TRAPPC2: variants seen among roughly 807,000 people sequenced by gnomAD.
TRAPPC2 encodes sedlin.
TRAPPC2 carries 4 observed loss-of-function variants against 10.0 expected under a neutral mutation model. The ratio of observed to expected loss-of-function variants is 0.40; its 90% CI spans 0.20 to 0.92. The LOEUF is 0.92. Ranked by LOEUF, TRAPPC2 falls within the 40% of genes least tolerant of loss-of-function variation. The pLI, the probability that TRAPPC2 is intolerant of heterozygous loss-of-function variation, is 0.35. For synonymous variants in TRAPPC2, 36 were observed against 37.3 expected (o/e 0.97, Z 0.12); for missense variants, 52 against 108.7 (o/e 0.48, Z 2.32).
intron 3 of TRAPPC2, among the ~76,000 whole-genome samples, chrX:13,716,973 T>C: frequency 9.7e-6 from 1 of 103,411 alleles, no homozygotes; most frequent in Non-Finnish European, 2.0e-5. Context: ...TTTTTCATGT[T>C]TCAAGAAGGA....
chrX:13,726,678 C>T (rs1329743549), intron 2 of TRAPPC2, among the ~76,000 whole-genome samples: 1 of 111,919 alleles, frequency 8.9e-6, no homozygotes, highest in African/African-American at 3.3e-5. Flanking sequence ...ACCATTGATG[C>T]TATGAAGAAA....
chrX:13,717,034 TAAAAA>T (rs1175025577), intron 3 of TRAPPC2, among the ~76,000 whole-genome samples: 448 of 37,931 alleles, frequency 0.012, 2 homozygotes, highest in African/African-American at 0.04. Context: ...GATACTATGT[TAAAAA>T]AAAAAAAAAA....
At chrX:13,723,829 C>T (rs1443575752) in intron 2 of TRAPPC2, among the ~76,000 whole-genome samples, 1 of 110,942 alleles carries the variant, frequency 9.0e-6, no homozygotes, top group Non-Finnish European at 1.9e-5. Flanking sequence ...CATCCACATC[C>T]TAATCTCTGC....
At chrX:13,730,849 T>C (rs2046659802) in intron 2 of TRAPPC2, among the ~76,000 whole-genome samples, 1 of 100,436 alleles carries the variant, frequency 1.0e-5, no homozygotes, top group East Asian at 3.1e-4. Context: ...TTCTCACTCA[T>C]AGGTGGGAAT....
At chrX:13,718,955 G>A (rs1042606644) in intron 3 of TRAPPC2, among the ~76,000 whole-genome samples, 16 of 110,779 alleles carry the variant, frequency 1.4e-4, no homozygotes, top group African/African-American at 5.3e-4. Flanking sequence ...TCAGGAGTTC[G>A]AGACCAGCCT....
intron 2 of TRAPPC2, among the ~76,000 whole-genome samples, chrX:13,733,025 G>T (rs761870941): frequency 1.8e-5 from 2 of 111,953 alleles, no homozygotes; most frequent in Admixed American, 1.9e-4. Flanking sequence ...AATATTATAA[G>T]CAATTCTCCC....
At chrX:13,715,121 G>T (rs1708844591) in intron 5 of TRAPPC2, among the ~76,000 whole-genome samples, 1 of 112,744 alleles carries the variant, frequency 8.9e-6, no homozygotes, top group Non-Finnish European at 1.9e-5. Flanking sequence ...CTGTTAAATT[G>T]TATTACTGTG....
chrX:13,724,660 G>T (rs1393250915), intron 2 of TRAPPC2, among the ~76,000 whole-genome samples: 1 of 112,231 alleles, frequency 8.9e-6, no homozygotes, highest in African/African-American at 3.2e-5. Flanking sequence ...GAACACCTCC[G>T]GTCTGCAGCT....
At chrX:13,717,034 T>TAAAAAAAAAAAAAAAAAAAAA (rs1175025577) in intron 3 of TRAPPC2, among the ~76,000 whole-genome samples, 4 of 37,935 alleles carry the variant, frequency 1.1e-4, no homozygotes, top group Admixed American at 4.4e-4. Context: ...GATACTATGT[T>TAAAAAAAAAAAAAAAAAAAAA]AAAAAAAAAA....
intron 2 of TRAPPC2, among the ~76,000 whole-genome samples, chrX:13,732,025 T>A (rs889680659): frequency 9.0e-6 from 1 of 111,712 alleles, no homozygotes; most frequent in Non-Finnish European, 1.9e-5. Flanking sequence ...AAACCTAGAT[T>A]AAGAACAGTT....
At chrX:13,719,112 G>A (rs1174924705) in intron 3 of TRAPPC2, among the ~76,000 whole-genome samples, 2 of 111,217 alleles carry the variant, frequency 1.8e-5, no homozygotes, top group Admixed American at 9.6e-5. Flanking sequence ...AGCTGAGATC[G>A]TGTCACTGCA....
chrX:13,716,382 T>A (rs1485815792), intron 4 of TRAPPC2, 152 bp downstream of exon 4: 1 of 729,944 alleles, frequency 1.4e-6, no homozygotes, highest in Non-Finnish European at 2.0e-6. Flanking sequence ...TTTTCCCCCC[T>A]AAAAAAAGAA....
chrX:13,729,800 C>G (rs902940346), intron 2 of TRAPPC2, among the ~76,000 whole-genome samples: 2 of 111,296 alleles, frequency 1.8e-5, no homozygotes, highest in Non-Finnish European at 3.8e-5. Context: ...CCCTGCTACT[C>G]GGGAGGCAGA....
Position 13,714,163 on chromosome X carries a change from AC to A in TRAPPC2, c.*243del, listed in dbSNP as rs1456573763. On this transcript the variant is annotated 3_prime_UTR_variant, in exon 6 of 6. Transcript: ENST00000380579. ...TATCAGAAAAAAAAAAAAAAAAAAA[AC>A]ATGATTATTGATAATGAACTCTTTA... 1.7e-3 allele frequency: 333 copies of A among 199,654 alleles called. 7 individuals carry two copies. In the Admixed American group the frequency reaches 0.022, roughly 13 times the overall value. 16.5% of individuals were successfully genotyped at this position (199,654 alleles called of 1,213,427 possible).
intron 2 of TRAPPC2, among the ~76,000 whole-genome samples, chrX:13,722,505 A>C (rs1228385044): frequency 9.0e-6 from 1 of 111,650 alleles, no homozygotes; most frequent in East Asian, 2.8e-4. Flanking sequence ...ACAGCTGAAG[A>C]AGCAAGAAGG....
chrX:13,729,794 G>T (rs2046634768), intron 2 of TRAPPC2, among the ~76,000 whole-genome samples: 1 of 111,500 alleles, frequency 9.0e-6, no homozygotes, highest in Admixed American at 9.5e-5. Flanking sequence ...TGTAATCCCT[G>T]CTACTCGGGA....
At chrX:13,731,117 G>A (rs1261776886) in intron 2 of TRAPPC2, among the ~76,000 whole-genome samples, 1 of 111,992 alleles carries the variant, frequency 8.9e-6, no homozygotes, top group African/African-American at 3.3e-5. Context: ...AAGTCATCAG[G>A]TCCTGACAAA....
At chrX:13,727,725 C>T (rs1297212609) in intron 2 of TRAPPC2, among the ~76,000 whole-genome samples, 1 of 111,704 alleles carries the variant, frequency 9.0e-6, no homozygotes, top group African/African-American at 3.3e-5. Context: ...CAAAAGCTAG[C>T]AGAAGACAAG....
At chrX:13,719,713 T>G (rs745684394) in intron 3 of TRAPPC2, among the ~76,000 whole-genome samples, 158 bp downstream of exon 3, 1 of 111,853 alleles carries the variant, frequency 8.9e-6, no homozygotes, top group Non-Finnish European at 1.9e-5. Context: ...AATAAACATC[T>G]CCAAGGACAT....
Sources: allele counts gnomAD v4.1 joint callset (sites outside exome capture counted in the v4.1 genomes callset), GRCh38; gene constraint gnomAD v4.1.1; transcripts MANE v1.5; gene names NCBI Gene and HGNC (gene_info 2026-07-23, HGNC 2026-07-21).